The following RTN1 variants were observed in gnomAD, a reference collection of about 807,000 sequenced individuals.
RTN1 encodes the protein reticulon 1.
RTN1 carries 25 observed loss-of-function variants against 65.5 expected under a neutral mutation model. The observed-to-expected ratio is 0.38, with a 90% CI of 0.28 to 0.53. The LOEUF (loss-of-function observed/expected upper bound fraction) is 0.53, where lower values mean the gene tolerates loss of function less well. Ranked by LOEUF, RTN1 falls within the 20% of genes least tolerant of loss-of-function variation. The probability of loss-of-function intolerance (pLI) is 0.79; values close to 1 mark genes in which losing one functional copy is unlikely to be tolerated. For synonymous variants in RTN1, 471 were observed against 447.6 expected, an observed-to-expected ratio of 1.05 and a Z score of -0.66; for missense variants, 983 against 1,025.4, an observed-to-expected ratio of 0.96 and a Z score of 0.57.
intron 3 of RTN1, among the ~76,000 whole-genome samples, chr14:59,712,475 T>A (rs1373528431): frequency 6.6e-6 from 1 of 152,144 alleles, no homozygotes; most frequent in Non-Finnish European, 1.5e-5. Flanking sequence ...TGTCCCACAA[T>A]ATACTTTGGA....
rs551170252 is a variant in RTN1, at chr14:59,814,738, T to C, written c.241+55652A>G. ...ATTCACTCATGTAAATCAACCTTCA[T>C]GATTTTAGGCTACTACAAGCAACCC... On this transcript the variant is annotated intron_variant, in intron 1 of 8. Transcript: ENST00000267484. 1.1e-3 allele frequency among the ~76,000 whole-genome samples: 174 copies of C among 152,318 alleles called. 1 individual carries two copies. Among genetic ancestry groups the C allele is most frequent in the African/African-American group, 3.8e-3 (158 of 41,566 alleles).
At chr14:59,623,106 C>A (rs1882299795) in intron 3 of RTN1, among the ~76,000 whole-genome samples, 1 of 152,230 alleles carries the variant, frequency 6.6e-6, no homozygotes, top group South Asian at 2.1e-4. Flanking sequence ...GTCAAAGCCA[C>A]AGCCAACAGC....
intron 3 of RTN1, among the ~76,000 whole-genome samples, chr14:59,688,112 G>T (rs941129625): frequency 6.6e-6 from 1 of 152,056 alleles, no homozygotes; most frequent in African/African-American, 2.4e-5. Context: ...GGTGCACAGG[G>T]GCCCTCTCTA....
intron 3 of RTN1, among the ~76,000 whole-genome samples, chr14:59,622,515 G>T (rs549690381): frequency 5.2e-5 from 6 of 115,708 alleles, no homozygotes; most frequent in Non-Finnish European, 2.1e-5. Context: ...TGTGGACAGA[G>T]TAAGAAGGCT....
Position 59,868,805 on chromosome 14 carries a change from A to G in RTN1, c.241+1585T>C, listed in dbSNP as rs2139683279. ...AAACAATTTACTTTGATTACAGTGGATAAAGATTCTGAACTATGAGCAGTC... is the reference window on the plus strand; with the variant it reads ...AAACAATTTACTTTGATTACAGTGGGTAAAGATTCTGAACTATGAGCAGTC... On this transcript the variant is annotated intron_variant, in intron 1 of 8. Coordinates refer to ENST00000267484, the MANE Select transcript of RTN1 (RefSeq NM_021136.3). The surrounding 1 kb of genome is among the most constrained non-coding windows in gnomAD (Gnocchi z 4.0). 6.6e-6 allele frequency among the ~76,000 whole-genome samples: 1 copy of G among 152,352 alleles called. No homozygotes were observed. The highest frequency in any genetic ancestry group is 1.9e-4 in the East Asian group (1 of 5,186).
chr14:59,683,762 T>C (rs1009770379), intron 3 of RTN1, among the ~76,000 whole-genome samples: 3 of 152,126 alleles, frequency 2.0e-5, no homozygotes, highest in Admixed American at 6.5e-5. Flanking sequence ...TGGTTTCAGG[T>C]AGTTGACCTT....
intron 3 of RTN1, chr14:59,610,030 G>A (rs1458075349): frequency 2.8e-6 from 2 of 718,300 alleles, no homozygotes; most frequent in African/African-American, 3.5e-5. Flanking sequence ...GACGTGAAGG[G>A]GCTCAGAAGA....
At chr14:59,688,750 G>A (rs1280880784) in intron 3 of RTN1, among the ~76,000 whole-genome samples, 1 of 152,140 alleles carries the variant, frequency 6.6e-6, no homozygotes, top group African/African-American at 2.4e-5. Context: ...CCTCCAGGGA[G>A]GGGGTGAAAG....
intron 1 of RTN1, among the ~76,000 whole-genome samples, chr14:59,863,756 C>G (rs1213551621): frequency 2.0e-5 from 3 of 152,216 alleles, no homozygotes; most frequent in Non-Finnish European, 4.4e-5. Context: ...ATGTGTAAAA[C>G]CAAACTCCTG....
At chr14:59,648,233 C>T (rs945572258) in intron 3 of RTN1, among the ~76,000 whole-genome samples, 1 of 152,172 alleles carries the variant, frequency 6.6e-6, no homozygotes, top group Non-Finnish European at 1.5e-5. Flanking sequence ...CTTCTCAAGA[C>T]TGAACCAGGA....
At chr14:59,782,638 G>A (rs911542171) in intron 1 of RTN1, among the ~76,000 whole-genome samples, 2 of 152,144 alleles carry the variant, frequency 1.3e-5, no homozygotes, top group Non-Finnish European at 2.9e-5. Flanking sequence ...GAGCCAAAAT[G>A]TAACTAAATG....
intron 3 of RTN1, among the ~76,000 whole-genome samples, chr14:59,714,767 C>T (rs1884498850): frequency 1.3e-5 from 2 of 152,158 alleles, no homozygotes; most frequent in South Asian, 2.1e-4. Flanking sequence ...ACATGGGCAT[C>T]ATATAAACTA....
chr14:59,630,643 C>G (rs1882525692), intron 3 of RTN1: 3 of 1,331,156 alleles, frequency 2.3e-6, no homozygotes, highest in Admixed American at 3.1e-5. Context: ...CCAGGCGGCG[C>G]GCGGTGAGGG....
At chr14:59,826,658 A>T (rs958862814) in intron 1 of RTN1, among the ~76,000 whole-genome samples, 3 of 152,262 alleles carry the variant, frequency 2.0e-5, no homozygotes, top group African/African-American at 7.2e-5. Flanking sequence ...GTTTTTAGCC[A>T]GAAATTCAAA....
In RTN1 at chr14:59,766,001, G is replaced by A. The variant is rs1041673581; in HGVS notation, c.242-19520C>T. Among the ~76,000 whole-genome samples, 23 of 152,266 alleles carry A rather than the reference G, an allele frequency of 1.5e-4. No individual in the cohort carries two copies. The highest frequency in any genetic ancestry group is 4.6e-4 in the African/African-American group (19 of 41,548). On this transcript the variant is annotated intron_variant, in intron 1 of 8. Coordinates refer to ENST00000267484, the MANE Select transcript of RTN1 (RefSeq NM_021136.3). This position sits in a 1 kb window ranked among gnomAD's most constrained non-coding sequence, Gnocchi z 4.4. ...TCCCAGCACTTTGGGAGGCCTAGGC[G>A]GGTGGATCACCTGAGGTCAGGGGTT...
chr14:59,841,679 C>G (rs1887314427), intron 1 of RTN1, among the ~76,000 whole-genome samples: 1 of 150,066 alleles, frequency 6.7e-6, no homozygotes. Context: ...TGCACTCCAG[C>G]CTGGGAGACA....
chr14:59,752,221 T>C (rs958699398), intron 1 of RTN1, among the ~76,000 whole-genome samples: 3 of 152,176 alleles, frequency 2.0e-5, no homozygotes, highest in Non-Finnish European at 4.4e-5. Flanking sequence ...ATGTAGATTA[T>C]AGACGACAGA....
chr14:59,702,469 T>C (rs368354024), intron 3 of RTN1, among the ~76,000 whole-genome samples: 1 of 152,184 alleles, frequency 6.6e-6, no homozygotes, highest in Non-Finnish European at 1.5e-5. Flanking sequence ...ACTGCACCCA[T>C]TCCCTTGTGA....
At chr14:59,669,574 G>A (rs969461047) in intron 3 of RTN1, among the ~76,000 whole-genome samples, 1 of 151,988 alleles carries the variant, frequency 6.6e-6, no homozygotes, top group East Asian at 1.9e-4. Flanking sequence ...CCTGCATGTT[G>A]TGCATATGTA....
Sources: gnomAD v4.1 joint callset for allele counts (sites outside exome capture counted in the v4.1 genomes callset) on GRCh38, gnomAD v4.1.1 for gene constraint, Gnocchi (gnomAD v3.1) non-coding constraint, MANE v1.5 for transcripts, NCBI Gene and HGNC (gene_info 2026-07-23, HGNC 2026-07-21) for gene names.